The following SLC4A10 variants were observed in gnomAD, a reference collection of about 807,000 sequenced individuals.
SLC4A10 encodes the protein sodium-driven chloride bicarbonate exchanger.
In SLC4A10, 42 loss-of-function variants were observed where a neutral mutation model predicts 137.7. The observed-to-expected ratio is 0.30, with a 90% CI of 0.24 to 0.39. The LOEUF (loss-of-function observed/expected upper bound fraction) is 0.39, where lower values mean the gene tolerates loss of function less well. SLC4A10 is among the 10% of genes least tolerant of loss of function. The pLI, the probability that SLC4A10 is intolerant of heterozygous loss-of-function variation, is 1.00. For missense variants in SLC4A10, 925 were observed against 1,355.0 expected, an observed-to-expected ratio of 0.68 and a Z score of 4.98; for synonymous variants, 474 against 464.1, an observed-to-expected ratio of 1.02 and a Z score of -0.27.
At chr2:161,918,370 G>C (rs959577931) in intron 15 of SLC4A10, among the ~76,000 whole-genome samples, 8 of 151,972 alleles carry the variant, frequency 5.3e-5, no homozygotes, top group African/African-American at 1.9e-4. Context: ...TAGCCAGGCT[G>C]GTCTCAAACC....
chr2:161,861,193 T>A (rs1344673728), intron 5 of SLC4A10, among the ~76,000 whole-genome samples: 1 of 152,242 alleles, frequency 6.6e-6, no homozygotes, highest in Non-Finnish European at 1.5e-5. Context: ...TTGATTAGCC[T>A]GTCAGTCATA....
intron 1 of SLC4A10, among the ~76,000 whole-genome samples, chr2:161,715,153 T>C (rs908773222): frequency 1.3e-5 from 2 of 151,996 alleles, no homozygotes; most frequent in African/African-American, 4.8e-5. Flanking sequence ...GATAGGACAA[T>C]TTGAGTTTCA....
intron 1 of SLC4A10, among the ~76,000 whole-genome samples, chr2:161,745,754 G>A (rs2048326332): frequency 6.6e-6 from 1 of 152,112 alleles, no homozygotes; most frequent in Non-Finnish European, 1.5e-5. Context: ...TGTAATCTAA[G>A]TCTGCAATTG....
At chr2:161,689,560 A>G (rs1299023951) in intron 1 of SLC4A10, among the ~76,000 whole-genome samples, 1 of 152,184 alleles carries the variant, frequency 6.6e-6, no homozygotes, top group Non-Finnish European at 1.5e-5. Context: ...ACACTCTATG[A>G]TGTTTGCATC....
chr2:161,853,992 G>A (rs2059967792), intron 4 of SLC4A10, among the ~76,000 whole-genome samples: 1 of 151,960 alleles, frequency 6.6e-6, no homozygotes, highest in Non-Finnish European at 1.5e-5. Context: ...TGTTGAAGGT[G>A]GATCATTTTA....
chr2:161,784,109 A>G (rs1028907897), intron 2 of SLC4A10, among the ~76,000 whole-genome samples: 2 of 151,882 alleles, frequency 1.3e-5, no homozygotes, highest in Admixed American at 6.6e-5. Context: ...GATAAAATAG[A>G]CTATAAGTCA....
At chr2:161,628,002 A>G (rs985880597) in intron 1 of SLC4A10, among the ~76,000 whole-genome samples, 12 of 152,108 alleles carry the variant, frequency 7.9e-5, no homozygotes, top group Non-Finnish European at 1.3e-4. Context: ...TAATTGTTAT[A>G]ACCTTTTTGA....
intron 1 of SLC4A10, among the ~76,000 whole-genome samples, chr2:161,726,543 T>C (rs1392915196): frequency 6.6e-6 from 1 of 152,146 alleles, no homozygotes; most frequent in Non-Finnish European, 1.5e-5. Flanking sequence ...GAATTATAAA[T>C]TGGCAGTGGC....
chr2:161,767,361 T>A (rs531026703), intron 1 of SLC4A10, among the ~76,000 whole-genome samples: 1 of 151,228 alleles, frequency 6.6e-6, no homozygotes, highest in Admixed American at 6.6e-5. Context: ...TATAACTTCT[T>A]GTGTTTTAAC....
chr2:161,808,303 C>T lies in SLC4A10; in HGVS notation c.277+3708C>T, dbSNP rs1212884910. Among the ~76,000 whole-genome samples, 3 of 151,626 alleles carry T rather than the reference C, an allele frequency of 2.0e-5. No homozygotes were observed. In the East Asian group the frequency reaches 5.8e-4, roughly 29 times the overall value. On this transcript the variant is annotated intron_variant, in intron 3 of 26. Coordinates refer to ENST00000446997, the MANE Select transcript of SLC4A10 (RefSeq NM_001178015.2). ...CTCTTTTATATTTTTTCATCATTTT[C>T]TCCTTGTCCTGACATTGAAGTGTTT...
chr2:161,876,480 A>T (rs929507691), intron 8 of SLC4A10, among the ~76,000 whole-genome samples: 5 of 152,230 alleles, frequency 3.3e-5, no homozygotes, highest in African/African-American at 1.2e-4. Context: ...GGAGTTCGAG[A>T]TCAACCTAGG....
At chr2:161,981,331 T>C (rs1470573164) in intron 26 of SLC4A10, among the ~76,000 whole-genome samples, 2 of 152,234 alleles carry the variant, frequency 1.3e-5, no homozygotes, top group Non-Finnish European at 2.9e-5. Flanking sequence ...TCTGTTATTC[T>C]ATCTTTCAAA....
At chr2:161,815,295 C>G (rs1041652662) in intron 3 of SLC4A10, among the ~76,000 whole-genome samples, 1 of 152,048 alleles carries the variant, frequency 6.6e-6, no homozygotes, top group African/African-American at 2.4e-5. Flanking sequence ...GGCGGTTTCC[C>G]TCATGCTGTT....
At chr2:161,716,623 T>C (rs2044915043) in intron 1 of SLC4A10, among the ~76,000 whole-genome samples, 1 of 152,128 alleles carries the variant, frequency 6.6e-6, no homozygotes, top group African/African-American at 2.4e-5. Flanking sequence ...TGTAAATGTA[T>C]GGTCTTATTT....
chr2:161,815,499 T>C (rs1043237294), intron 3 of SLC4A10, among the ~76,000 whole-genome samples: 3 of 152,166 alleles, frequency 2.0e-5, no homozygotes, highest in African/African-American at 7.2e-5. Flanking sequence ...CTTTATAAAT[T>C]ACCCAGCCTC....
At position 161,726,079 on chromosome 2, in the gene SLC4A10, G is replaced by A. The variant is rs1172896321; in HGVS notation, c.49-44894G>A. Among the ~76,000 whole-genome samples the A allele has an allele frequency of 2.0e-5, 3 of 152,116 alleles. No individual in the cohort carries two copies. In the East Asian group the frequency reaches 5.8e-4, roughly 29 times the overall value. ...TTAGTAAGTATCATCTATTAATGATGTCTCAATAGATTATGTTTTATAGAT... is the reference window on the plus strand; with the variant it reads ...TTAGTAAGTATCATCTATTAATGATATCTCAATAGATTATGTTTTATAGAT... On this transcript the variant is annotated intron_variant, in intron 1 of 26. Coordinates refer to ENST00000446997, the MANE Select transcript of SLC4A10 (RefSeq NM_001178015.2).
chr2:161,901,524 A>G (rs974140075), intron 12 of SLC4A10, among the ~76,000 whole-genome samples: 2 of 152,126 alleles, frequency 1.3e-5, no homozygotes, highest in Admixed American at 6.5e-5. Flanking sequence ...ATGGTGCTTC[A>G]TGGTTTTTTT....
At chr2:161,778,556 C>A (rs1345580748) in intron 2 of SLC4A10, among the ~76,000 whole-genome samples, 1 of 151,716 alleles carries the variant, frequency 6.6e-6, no homozygotes, top group African/African-American at 2.4e-5. Context: ...CATGCAATAC[C>A]TTTAATTCAT....
chr2:161,756,783 T>C lies in SLC4A10; in HGVS notation c.49-14190T>C, dbSNP rs563120119. On this transcript the variant is annotated intron_variant, in intron 1 of 26. Coordinates refer to ENST00000446997, the MANE Select transcript of SLC4A10 (RefSeq NM_001178015.2). ...GACAGCATGATACTGTGAGTATTAATAGTATAAGCCACAATTGAAGTTTAA... is the reference window on the plus strand; with the variant it reads ...GACAGCATGATACTGTGAGTATTAACAGTATAAGCCACAATTGAAGTTTAA... Among the ~76,000 whole-genome samples the C allele has an allele frequency of 5.9e-5, 9 of 152,280 alleles. No homozygotes were observed. The East Asian group carries it at 9.7e-4, about 16-fold the overall frequency.
Sources: gnomAD v4.1 joint callset for allele counts (sites outside exome capture counted in the v4.1 genomes callset) on GRCh38, gnomAD v4.1.1 for gene constraint, MANE v1.5 for transcripts, NCBI Gene and HGNC (gene_info 2026-07-23, HGNC 2026-07-21) for gene names.